The following KCNH5 variants were observed in gnomAD, a reference collection of about 807,000 sequenced individuals.
KCNH5 encodes potassium voltage-gated channel subfamily H member 5.
Under a neutral mutation model 96.1 loss-of-function variants are expected in KCNH5, and 46 were observed. The ratio of observed to expected loss-of-function variants is 0.48; its 90% CI spans 0.38 to 0.61. The LOEUF is 0.61. Among genes scored for constraint, KCNH5 ranks in the 20% least tolerant of loss-of-function variants. The pLI, the probability that KCNH5 is intolerant of heterozygous loss-of-function variation, is 0.00. For synonymous variants in KCNH5, 439 were observed against 449.8 expected, an observed-to-expected ratio of 0.98 and a Z score of 0.30; for missense variants, 907 against 1,225.8, an observed-to-expected ratio of 0.74 and a Z score of 3.88.
At chr14:63,033,059 C>G (rs1387024521) in intron 1 of KCNH5, among the ~76,000 whole-genome samples, 1 of 152,150 alleles carries the variant, frequency 6.6e-6, no homozygotes, top group East Asian at 1.9e-4. Flanking sequence ...CCATTTCTCC[C>G]CATTTCCACT....
intron 7 of KCNH5, among the ~76,000 whole-genome samples, chr14:62,909,309 T>G (rs1325984010): frequency 6.6e-6 from 1 of 151,786 alleles, no homozygotes; most frequent in Non-Finnish European, 1.5e-5. Flanking sequence ...CCTCCCAAAG[T>G]GCTGGGATTA....
intron 7 of KCNH5, among the ~76,000 whole-genome samples, chr14:62,888,302 A>G (rs1888638643): frequency 6.6e-6 from 1 of 152,246 alleles, no homozygotes; most frequent in South Asian, 2.1e-4. Flanking sequence ...AGATTGTTGT[A>G]AAAGGTTACT....
intron 8 of KCNH5, among the ~76,000 whole-genome samples, chr14:62,828,949 G>A (rs1183690304): frequency 6.6e-6 from 1 of 152,110 alleles, no homozygotes; most frequent in Non-Finnish European, 1.5e-5. Context: ...AAGGATACAG[G>A]CATTGGGTAA....
At chr14:62,812,467 T>C (rs1033953998) in intron 8 of KCNH5, among the ~76,000 whole-genome samples, 1 of 152,180 alleles carries the variant, frequency 6.6e-6, no homozygotes, top group Non-Finnish European at 1.5e-5. Context: ...TTTTATTGTA[T>C]ACATGAAAAG....
intron 7 of KCNH5, among the ~76,000 whole-genome samples, chr14:62,929,043 T>C (rs2140114411): frequency 6.6e-6 from 1 of 152,204 alleles, no homozygotes; most frequent in East Asian, 1.9e-4. Flanking sequence ...CTTACGTGTC[T>C]ATGCAGCGTC....
chr14:62,899,833 CA>C (rs10544668), intron 7 of KCNH5, among the ~76,000 whole-genome samples: 20,296 of 138,900 alleles, frequency 0.15, 1,526 homozygotes, highest in East Asian at 0.28. Flanking sequence ...GACTCCGTCT[CA>C]AAAAAAAAAA....
At chr14:62,989,542 T>G (rs762507317) in intron 4 of KCNH5, among the ~76,000 whole-genome samples, 1 of 152,078 alleles carries the variant, frequency 6.6e-6, no homozygotes, top group Non-Finnish European at 1.5e-5. Context: ...TACTGGTAAC[T>G]GCAGACTCAG....
At chr14:62,968,689 G>T (rs1475121945) in intron 6 of KCNH5, among the ~76,000 whole-genome samples, 1 of 152,180 alleles carries the variant, frequency 6.6e-6, no homozygotes, top group Non-Finnish European at 1.5e-5. Flanking sequence ...GTATAGTTAG[G>T]AAATGTGGTA....
At chr14:62,833,155 C>T (rs777302698) in intron 8 of KCNH5, among the ~76,000 whole-genome samples, 7 of 150,792 alleles carry the variant, frequency 4.6e-5, no homozygotes, top group Non-Finnish European at 8.9e-5. Flanking sequence ...TTTTTTTGGT[C>T]CCCTCACTAT....
At chr14:62,804,995 A>T (rs1415826656) in intron 8 of KCNH5, among the ~76,000 whole-genome samples, 1 of 152,232 alleles carries the variant, frequency 6.6e-6, no homozygotes, top group East Asian at 1.9e-4. Context: ...ATATTTCAGC[A>T]CAAACCTGAA....
chr14:62,973,651 G>T (rs1383492014), intron 6 of KCNH5, among the ~76,000 whole-genome samples: 1 of 152,078 alleles, frequency 6.6e-6, no homozygotes, highest in African/African-American at 2.4e-5. Context: ...GACCCAACCT[G>T]TGGTATTTTG....
At chr14:63,006,519 T>C in intron 2 of KCNH5, 47 bp from the exon 3 acceptor site, 2 of 1,054,236 alleles carry the variant, frequency 1.9e-6, no homozygotes, top group Non-Finnish European at 2.9e-6. Flanking sequence ...TTGTGTTGCC[T>C]TTCAAATGCT....
chr14:63,029,858 T>G (rs1891594211), intron 1 of KCNH5, among the ~76,000 whole-genome samples: 1 of 151,974 alleles, frequency 6.6e-6, no homozygotes, highest in Non-Finnish European at 1.5e-5. Context: ...GAAAAATATA[T>G]TATTAATAAA....
At chr14:62,760,641 A>T (rs1164638247) in intron 10 of KCNH5, among the ~76,000 whole-genome samples, 2 of 152,216 alleles carry the variant, frequency 1.3e-5, no homozygotes, top group African/African-American at 4.8e-5. Flanking sequence ...ATCAAGTACA[A>T]CCTGATTCAG....
intron 8 of KCNH5, among the ~76,000 whole-genome samples, chr14:62,803,142 C>T (rs1405208137): frequency 6.6e-6 from 1 of 152,054 alleles, no homozygotes; most frequent in Admixed American, 6.6e-5. Context: ...CAGAGCAAGA[C>T]CTTATCTCAA....
intron 4 of KCNH5, among the ~76,000 whole-genome samples, chr14:62,996,961 C>A (rs565780303): frequency 6.6e-6 from 1 of 152,326 alleles, no homozygotes; most frequent in Admixed American, 6.5e-5. Context: ...GGTCACAAAT[C>A]AGATGCCAAT....
chr14:62,791,120 T>C (rs1485519029), intron 9 of KCNH5, among the ~76,000 whole-genome samples: 2 of 151,642 alleles, frequency 1.3e-5, no homozygotes, highest in African/African-American at 4.8e-5. Flanking sequence ...GACCATCATA[T>C]AGGAAATGCT....
chr14:62,948,130 A>G, intron 7 of KCNH5, among the ~76,000 whole-genome samples: 1 of 152,022 alleles, frequency 6.6e-6, no homozygotes. Flanking sequence ...TTCCAATTTC[A>G]TCCATGTCCC....
chr14:62,981,271 G>C lies in KCNH5; in HGVS notation c.550-7C>G, dbSNP rs1321418069. On this transcript the variant is annotated splice_polypyrimidine_tract_variant and splice_region_variant and intron_variant, in intron 5 of 10. Transcript: ENST00000322893. ...CTGATCCCAGCTGAAGAACCTAAAA[G>C]AGAGAAAATGTATTTATACATGACT... The C allele has an allele frequency of 3.7e-5, 59 of 1,613,310 alleles. No individual in the cohort carries two copies. Among genetic ancestry groups the C allele is most frequent in the Non-Finnish European group, 5.0e-5 (59 of 1,179,628 alleles).
Sources: allele counts gnomAD v4.1 joint callset (sites outside exome capture counted in the v4.1 genomes callset), GRCh38; gene constraint gnomAD v4.1.1; transcripts MANE v1.5; gene names NCBI Gene and HGNC (gene_info 2026-07-23, HGNC 2026-07-21).